PCDHA10: variants seen among roughly 807,000 people sequenced by gnomAD.
PCDHA10 encodes the protein protocadherin alpha-10.
A neutral mutation model predicts 61.2 loss-of-function variants in PCDHA10; 45 were observed. That is an observed-to-expected ratio of 0.74 (90% CI 0.58 to 0.94). PCDHA10 has a LOEUF of 0.94. Among genes scored for constraint, PCDHA10 ranks in the 40% least tolerant of loss-of-function variants. PCDHA10 has a pLI of 0.00. For missense variants in PCDHA10, 1,278 were observed against 1,236.2 expected (o/e 1.03, Z -0.51); for synonymous variants, 602 against 548.8 (o/e 1.10, Z -1.35).
rs781785142 is a variant in PCDHA10, at chr5:140,871,450, G to A, written c.2388+13014G>A. 4 of 1,608,718 alleles carry A rather than the reference G, an allele frequency of 2.5e-6. No individual in the cohort carries two copies. The highest frequency in any genetic ancestry group is 2.2e-5 in the South Asian group (2 of 90,488). ...TCTTCCTCTAGGTCTGAATAAAGAG[G>A]AGGAAGGGGAAAGACAGGAGCCAGG... On this transcript the variant is annotated intron_variant, in intron 1 of 3. Coordinates refer to ENST00000307360, the MANE Select transcript of PCDHA10 (RefSeq NM_018901.4).
At chr5:140,954,832 A>G (rs2095096599) in intron 1 of PCDHA10, among the ~76,000 whole-genome samples, 1 of 152,208 alleles carries the variant, frequency 6.6e-6, no homozygotes, top group Admixed American at 6.5e-5. Flanking sequence ...CACTTTTGTC[A>G]TGAAATCTTT....
At position 140,900,569 on chromosome 5, in the gene PCDHA10, A is replaced by AC. The variant is rs201845192; in HGVS notation, c.2388+42135dup. 8.0e-3 allele frequency among the ~76,000 whole-genome samples: 1,218 copies of AC among 152,298 alleles called. 6 individuals carry two copies. Among genetic ancestry groups the AC allele is most frequent in the African/African-American group, 0.019 (786 of 41,566 alleles). On this transcript the variant is annotated intron_variant, in intron 1 of 3. Coordinates refer to ENST00000307360, the MANE Select transcript of PCDHA10 (RefSeq NM_018901.4). The stretch of plus-strand genomic sequence containing the variant: ...TGGGATTACAGGCGTGAGCCACGGC[A>AC]CCGGCCCATTTTCTTTACCCGTTCA...
intron 3 of PCDHA10, among the ~76,000 whole-genome samples, chr5:141,008,980 A>C (rs533099581): frequency 6.6e-6 from 1 of 152,374 alleles, no homozygotes; most frequent in African/African-American, 2.4e-5. Context: ...GCCAAAGTTT[A>C]ATCTAGACAC....
chr5:140,944,276 A>C (rs2093633258), intron 1 of PCDHA10, among the ~76,000 whole-genome samples: 1 of 152,002 alleles, frequency 6.6e-6, no homozygotes, highest in Non-Finnish European at 1.5e-5. Flanking sequence ...CAGCCTTGAC[A>C]CCCCGGGCTC....
intron 1 of PCDHA10, among the ~76,000 whole-genome samples, chr5:140,946,637 G>T: frequency 1.5e-5 from 1 of 64,620 alleles, no homozygotes; most frequent in African/African-American, 1.0e-4. Flanking sequence ...TATATACAAT[G>T]GAATACTCAT....
chr5:140,928,043 C>G (rs1554205400), intron 1 of PCDHA10: 2 of 1,614,192 alleles, frequency 1.2e-6, no homozygotes, highest in Non-Finnish European at 1.7e-6. Context: ...AGTGCAGGCC[C>G]TTTTCAGCTG....
chr5:140,978,794 TG>T (rs1179958432), intron 1 of PCDHA10, 154 bp from the exon 2 acceptor site: 8 of 978,628 alleles, frequency 8.2e-6, no homozygotes, highest in Non-Finnish European at 9.7e-6. Context: ...GTGCTATATA[TG>T]TAGATATCAT....
chr5:140,949,260 T>C (rs1292112980), intron 1 of PCDHA10, among the ~76,000 whole-genome samples: 1 of 151,804 alleles, frequency 6.6e-6, no homozygotes, highest in Non-Finnish European at 1.5e-5. Flanking sequence ...GATGAACATA[T>C]CACGTGCACT....
At chr5:140,990,708 T>G (rs1201090744) in intron 3 of PCDHA10, among the ~76,000 whole-genome samples, 3 of 152,190 alleles carry the variant, frequency 2.0e-5, no homozygotes, top group African/African-American at 7.2e-5. Context: ...TTTATGGGGA[T>G]AAGAGCATCA....
chr5:140,986,285 A>AGACT (rs1311762694), intron 3 of PCDHA10, among the ~76,000 whole-genome samples: 3 of 152,134 alleles, frequency 2.0e-5, no homozygotes, highest in Admixed American at 2.0e-4. Flanking sequence ...GCTTCCCTTG[A>AGACT]GACTGAGCAG....
chr5:140,878,622 T>A (rs1163171601), intron 1 of PCDHA10, among the ~76,000 whole-genome samples: 1 of 152,244 alleles, frequency 6.6e-6, no homozygotes, highest in African/African-American at 2.4e-5. Flanking sequence ...GCATTTTACA[T>A]ATTTTAACTT....
intron 1 of PCDHA10, among the ~76,000 whole-genome samples, chr5:140,941,202 C>CTTTCTTTCTTTCTTTCTTTCTTTCTTT (rs1554213921): frequency 8.1e-6 from 1 of 122,708 alleles, no homozygotes; most frequent in Admixed American, 8.6e-5. Context: ...TTTCTTTCTT[C>CTTTCTTTCTTTCTTTCTTTCTTTCTTT]CTTTCTTTCT....
intron 1 of PCDHA10, chr5:140,883,720 A>G (rs782338608): frequency 4.3e-6 from 7 of 1,613,566 alleles, no homozygotes; most frequent in Middle Eastern, 1.7e-4. Flanking sequence ...ACGCGGACGC[A>G]CAGGAGAACG....
At chr5:140,920,825 G>A (rs557360536) in intron 1 of PCDHA10, among the ~76,000 whole-genome samples, 12 of 150,152 alleles carry the variant, frequency 8.0e-5, no homozygotes, top group African/African-American at 2.4e-4. Context: ...GCCTGGCGAC[G>A]GAGCAAGACC....
chr5:140,947,756 T>A (rs1354995389), intron 1 of PCDHA10, among the ~76,000 whole-genome samples: 1 of 151,644 alleles, frequency 6.6e-6, no homozygotes, highest in Non-Finnish European at 1.5e-5. Flanking sequence ...TATTTTATGG[T>A]TTAAAAAATT....
chr5:140,929,234 G>A (rs781843995), intron 1 of PCDHA10: 1 of 1,613,838 alleles, frequency 6.2e-7, no homozygotes, highest in Non-Finnish European at 8.5e-7. Flanking sequence ...GCCGACCTGC[G>A]AAATCTTGCC....
At chr5:140,892,588 T>C (rs751167275) in intron 1 of PCDHA10, among the ~76,000 whole-genome samples, 12 of 152,204 alleles carry the variant, frequency 7.9e-5, no homozygotes, top group Non-Finnish European at 1.8e-4. Flanking sequence ...TCAGTATTCA[T>C]TCACCTATTT....
At chr5:140,933,773 A>G (rs2089413998) in intron 1 of PCDHA10, among the ~76,000 whole-genome samples, 1 of 152,040 alleles carries the variant, frequency 6.6e-6, no homozygotes, top group South Asian at 2.1e-4. Context: ...CTGTACCTAC[A>G]GTTTTCTTTG....
chr5:140,982,615 A>G, intron 3 of PCDHA10, 52 bp downstream of exon 3: 1 of 1,596,392 alleles, frequency 6.3e-7, no homozygotes, highest in Non-Finnish European at 8.6e-7. Context: ...AAGTGATCAG[A>G]TGACCTACTT....
Sources: allele counts gnomAD v4.1 joint callset (sites outside exome capture counted in the v4.1 genomes callset), GRCh38; gene constraint gnomAD v4.1.1; transcripts MANE v1.5; gene names NCBI Gene and HGNC (gene_info 2026-07-23, HGNC 2026-07-21).